Variants in GOLIM4 observed in about 807,000 individuals in gnomAD.
GOLIM4 encodes the protein golgi integral membrane protein 4, also known as 130 kDa golgi-localized phosphoprotein.
Under a neutral mutation model 107.4 loss-of-function variants are expected in GOLIM4, and 71 were observed. The observed-to-expected ratio is 0.66, with a 90% CI of 0.55 to 0.81. The LOEUF is 0.81. GOLIM4 is among the 30% of genes least tolerant of loss of function. GOLIM4 has a pLI of 0.00. For synonymous variants in GOLIM4, 327 were observed against 294.8 expected (o/e 1.11, Z -1.12); for missense variants, 830 against 826.1 (o/e 1.00, Z -0.06).
chr3:168,039,495 C>T (rs899795775), intron 7 of GOLIM4, among the ~76,000 whole-genome samples: 6 of 151,972 alleles, frequency 3.9e-5, no homozygotes, highest in African/African-American at 1.4e-4. Context: ...AACTCCTGAC[C>T]TCAGGTGATC....
chr3:168,085,830 T>C (rs1211511266), intron 1 of GOLIM4, among the ~76,000 whole-genome samples: 5 of 152,166 alleles, frequency 3.3e-5, no homozygotes, highest in African/African-American at 4.8e-5. Flanking sequence ...TCTGCCTTTT[T>C]TTTAAACAGG....
chr3:168,013,375 C>T (rs1182295702), intron 14 of GOLIM4, among the ~76,000 whole-genome samples: 1 of 151,964 alleles, frequency 6.6e-6, no homozygotes, highest in Non-Finnish European at 1.5e-5. Context: ...TACAGGAGCA[C>T]CAAGATTCAT....
At chr3:168,065,781 T>C (rs1383572596) in intron 1 of GOLIM4, among the ~76,000 whole-genome samples, 1 of 152,210 alleles carries the variant, frequency 6.6e-6, no homozygotes, top group Non-Finnish European at 1.5e-5. Flanking sequence ...GCATGTCTGC[T>C]TGCATGTTTC....
chr3:168,049,264 C>T (rs1272013681), intron 1 of GOLIM4, among the ~76,000 whole-genome samples: 2 of 152,158 alleles, frequency 1.3e-5, no homozygotes, highest in Admixed American at 6.5e-5. Context: ...AGAAGCCTTA[C>T]CTTTGAATTA....
At chr3:168,039,706 G>A (rs555246197) in intron 7 of GOLIM4, among the ~76,000 whole-genome samples, 6 of 152,148 alleles carry the variant, frequency 3.9e-5, no homozygotes, top group African/African-American at 1.4e-4. Context: ...ATTTATGGCC[G>A]TTACAGCACA....
chr3:168,084,909 T>C (rs1030598716), intron 1 of GOLIM4, among the ~76,000 whole-genome samples: 21 of 152,158 alleles, frequency 1.4e-4, no homozygotes, highest in African/African-American at 5.1e-4. Flanking sequence ...ATAACCACAC[T>C]TAGGTGTAGT....
chr3:168,060,374 T>A (rs1720196087), intron 1 of GOLIM4, among the ~76,000 whole-genome samples: 1 of 152,220 alleles, frequency 6.6e-6, no homozygotes, highest in Non-Finnish European at 1.5e-5. Flanking sequence ...CCAGTGTGCG[T>A]GCTGTGGAGG....
chr3:168,071,228 C>G (rs181251687), intron 1 of GOLIM4, among the ~76,000 whole-genome samples: 82 of 152,326 alleles, frequency 5.4e-4, no homozygotes, highest in Non-Finnish European at 9.6e-4. Context: ...TTTGAGTCAA[C>G]AGATTTGCAT....
chr3:168,062,494 T>C (rs16851762), intron 1 of GOLIM4, among the ~76,000 whole-genome samples: 1,671 of 152,268 alleles, frequency 0.011, 29 homozygotes, highest in African/African-American at 0.038. Context: ...CCTACACTAT[T>C]TTCAAAGCTG....
intron 5 of GOLIM4, among the ~76,000 whole-genome samples, chr3:168,042,527 C>T (rs1302191625): frequency 6.6e-6 from 1 of 152,164 alleles, no homozygotes; most frequent in East Asian, 1.9e-4. Context: ...GTGATCCACC[C>T]ACCTTGGCCT....
At chr3:168,012,588 C>T (rs1299369337) in intron 14 of GOLIM4, among the ~76,000 whole-genome samples, 2 of 141,698 alleles carry the variant, frequency 1.4e-5, no homozygotes. Context: ...ACATAATTGT[C>T]AGATTCACCA....
At chr3:168,023,881 C>T (rs536531088) in intron 14 of GOLIM4, among the ~76,000 whole-genome samples, 9 of 151,912 alleles carry the variant, frequency 5.9e-5, no homozygotes, top group South Asian at 2.1e-4. Context: ...CCACAATAAA[C>T]GCTACTTATA....
At chr3:168,016,776 G>T (rs1172318309) in intron 14 of GOLIM4, among the ~76,000 whole-genome samples, 2 of 138,674 alleles carry the variant, frequency 1.4e-5, no homozygotes, top group Non-Finnish European at 2.9e-5. Context: ...ATCATTCTCA[G>T]TAAACTATCG....
chr3:168,066,690 A>C (rs936417228), intron 1 of GOLIM4, among the ~76,000 whole-genome samples: 26 of 152,174 alleles, frequency 1.7e-4, no homozygotes, highest in Non-Finnish European at 3.7e-4. Context: ...CAAATAACTT[A>C]TACATCCAAT....
chr3:168,010,706 C>T (rs1248046297), intron 15 of GOLIM4, 37 bp downstream of exon 15: 1 of 1,436,688 alleles, frequency 7.0e-7, no homozygotes, highest in Non-Finnish European at 9.8e-7. Flanking sequence ...CCCACAAACA[C>T]TCAAGTGCTC....
intron 1 of GOLIM4, among the ~76,000 whole-genome samples, chr3:168,082,445 A>G (rs1367270303): frequency 6.6e-6 from 1 of 152,132 alleles, no homozygotes; most frequent in Non-Finnish European, 1.5e-5. Context: ...AGGGCCACAT[A>G]TGTACTCACA....
At chr3:168,030,163 G>C (rs1277284524) in intron 9 of GOLIM4, 127 bp from the exon 10 acceptor site, 3 of 893,992 alleles carry the variant, frequency 3.4e-6, no homozygotes, top group Non-Finnish European at 5.0e-6. Flanking sequence ...CAGGTGAACT[G>C]TGATTATACA....
At chr3:168,064,804 G>A (rs564351437) in intron 1 of GOLIM4, among the ~76,000 whole-genome samples, 31 of 151,904 alleles carry the variant, frequency 2.0e-4, no homozygotes, top group Middle Eastern at 6.8e-3. Flanking sequence ...GTGCATGACT[G>A]GATGCTAAAG....
intron 3 of GOLIM4, among the ~76,000 whole-genome samples, chr3:168,045,416 T>G (rs1003559283): frequency 8.5e-5 from 13 of 152,156 alleles, no homozygotes; most frequent in African/African-American, 2.9e-4. Context: ...AGTGAGAAAC[T>G]GAGTAAAGAT....
Sources: gnomAD v4.1 joint callset for allele counts (sites outside exome capture counted in the v4.1 genomes callset) on GRCh38, gnomAD v4.1.1 for gene constraint, MANE v1.5 for transcripts, NCBI Gene and HGNC (gene_info 2026-07-23, HGNC 2026-07-21) for gene names.